DISC1: variants seen among roughly 807,000 people sequenced by gnomAD.
DISC1 encodes disrupted in schizophrenia 1 protein.
A neutral mutation model predicts 84.5 loss-of-function variants in DISC1; 57 were observed. That is an observed-to-expected ratio of 0.67 (90% CI 0.55 to 0.84). The LOEUF is 0.84. Ranked by LOEUF, DISC1 falls within the 40% of genes least tolerant of loss-of-function variation. DISC1 has a pLI of 0.00. For synonymous variants in DISC1, 411 were observed against 415.2 expected (o/e 0.99, Z 0.12); for missense variants, 1,000 against 1,057.8 (o/e 0.95, Z 0.76).
At chr1:231,879,225 A>C (rs191376148) in intron 9 of DISC1, among the ~76,000 whole-genome samples, 363 of 152,114 alleles carry the variant, frequency 2.4e-3, no homozygotes, top group African/African-American at 8.3e-3. Flanking sequence ...AAAAGTTTCA[A>C]ATTTTGGAAC....
intron 9 of DISC1, among the ~76,000 whole-genome samples, chr1:231,877,206 C>T (rs970151096): frequency 5.3e-5 from 8 of 152,220 alleles, no homozygotes; most frequent in African/African-American, 1.4e-4. Flanking sequence ...CACATGAGCC[C>T]ACCTTCTTAC....
intron 1 of DISC1, among the ~76,000 whole-genome samples, chr1:231,641,054 C>A (rs144144760): frequency 3.7e-4 from 56 of 152,356 alleles, no homozygotes; most frequent in African/African-American, 1.3e-3. Flanking sequence ...CAACTGCTTT[C>A]ACTGATAGGC....
chr1:231,793,783 G>T (rs2078532144), intron 6 of DISC1, among the ~76,000 whole-genome samples: 1 of 152,110 alleles, frequency 6.6e-6, no homozygotes, highest in Non-Finnish European at 1.5e-5. Context: ...ATTTAATACT[G>T]ACTAGAGCTT....
chr1:231,664,014 ATATC>A lies in DISC1; in HGVS notation c.68-29799_68-29796del, dbSNP rs112204766. ...AGCTTCAGTTTCATGTGCTAATGCC[ATATC>A]TATCTATCTATCCATCTATCTATCC... On this transcript the variant is annotated intron_variant, in intron 1 of 12. Coordinates refer to ENST00000439617, the MANE Select transcript of DISC1 (RefSeq NM_018662.3). Among the ~76,000 whole-genome samples the A allele has an allele frequency of 5.8e-3, 869 of 148,718 alleles. 6 individuals carry two copies. Among genetic ancestry groups the A allele is most frequent in the Admixed American group, 0.011 (158 of 14,860 alleles).
At chr1:231,787,844 C>A (rs967545141) in intron 6 of DISC1, among the ~76,000 whole-genome samples, 3 of 152,208 alleles carry the variant, frequency 2.0e-5, no homozygotes, top group Non-Finnish European at 4.4e-5. Context: ...CACTTCCAGA[C>A]TTCTAGCTCT....
intron 10 of DISC1, among the ~76,000 whole-genome samples, chr1:231,964,174 A>G (rs938396821): frequency 6.6e-6 from 1 of 152,234 alleles, no homozygotes; most frequent in African/African-American, 2.4e-5. Context: ...CTGTATTCTC[A>G]GTGATTTGCC....
At chr1:231,724,052 G>A in intron 3 of DISC1, 5 of 982,012 alleles carry the variant, frequency 5.1e-6, no homozygotes, top group Non-Finnish European at 6.0e-6. Context: ...TTCATTAAAA[G>A]TGAATGTTGG....
intron 10 of DISC1, among the ~76,000 whole-genome samples, chr1:232,001,826 C>T (rs1666729907): frequency 1.3e-5 from 2 of 152,062 alleles, no homozygotes; most frequent in Admixed American, 6.5e-5. Flanking sequence ...TAAGGCAAGG[C>T]AAAGATTTCC....
chr1:231,735,220 T>G (rs999417934), intron 3 of DISC1, among the ~76,000 whole-genome samples: 9 of 152,354 alleles, frequency 5.9e-5, no homozygotes, highest in African/African-American at 2.2e-4. Context: ...TTTACATATT[T>G]TGTATCCTGA....
At chr1:231,762,740 G>A (rs988888281) in intron 4 of DISC1, among the ~76,000 whole-genome samples, 7 of 152,028 alleles carry the variant, frequency 4.6e-5, no homozygotes, top group African/African-American at 1.2e-4. Context: ...GAGATCAACA[G>A]CAAGCTTCTT....
At chr1:231,969,349 A>C (rs113479254) in intron 10 of DISC1, among the ~76,000 whole-genome samples, 19 of 152,018 alleles carry the variant, frequency 1.2e-4, no homozygotes, top group African/African-American at 4.6e-4. Context: ...AGTGGCAGGG[A>C]TCCTAGAGCA....
At chr1:231,898,487 G>A (rs1236997260) in intron 9 of DISC1, among the ~76,000 whole-genome samples, 1 of 152,188 alleles carries the variant, frequency 6.6e-6, no homozygotes, top group Admixed American at 6.5e-5. Context: ...GAACTTGAAT[G>A]GGATGACAAG....
At position 231,851,767 on chromosome 1, in the gene DISC1, G is replaced by A. The variant is rs143038426; in HGVS notation, c.1981+33250G>A. Among the ~76,000 whole-genome samples, 430 of 152,324 alleles carry A rather than the reference G, an allele frequency of 2.8e-3. 2 individuals are homozygous for A. Among genetic ancestry groups the A allele is most frequent in the African/African-American group, 9.4e-3 (390 of 41,566 alleles). On this transcript the variant is annotated intron_variant, in intron 9 of 12. Transcript: ENST00000439617. ...TGTGGGCCAGTTGAGTGGGAATGCGGCACTCATGGGCCGGCGGAAGAATGA... is the reference window on the plus strand; with the variant it reads ...TGTGGGCCAGTTGAGTGGGAATGCGACACTCATGGGCCGGCGGAAGAATGA...
rs763792460 is a variant in DISC1 at position 231,694,210 on chromosome 1, A to G, written c.452A>G (p.Asp151Gly). The G allele has an allele frequency of 2.5e-6, 4 of 1,614,150 alleles. No individual in the cohort carries two copies. The South Asian group carries it at 4.4e-5, about 18-fold the overall frequency. Residue 151 changes from aspartate to glycine, a missense_variant, in exon 2 of 13, where the codon GAT (aspartate) becomes GGT (glycine). By Grantham distance (94) the Asp-to-Gly change is moderately conservative. Around this residue, in one of 3 missense-constraint regions of DISC1, gnomAD observed 292 missense variants for 280.2 expected, o/e 1.04. Transcript: ENST00000439617. ...TGGCAGCAAGAGTTTGCAGCCATGG[A>G]TAGTTCTGAGACCCTGGACGCCAGC... Reference protein sequence around the residue: ...AGWQQEFAAMDSSETLDASWE... With the variant: ...AGWQQEFAAMGSSETLDASWE...
chr1:231,953,818 A>G (rs1009013440), intron 9 of DISC1, among the ~76,000 whole-genome samples: 1 of 152,194 alleles, frequency 6.6e-6, no homozygotes, highest in East Asian at 1.9e-4. Context: ...TTCAAAGGTG[A>G]GATCGTATCG....
intron 9 of DISC1, 30 bp downstream of exon 9, chr1:231,818,547 G>T: frequency 3.1e-6 from 5 of 1,613,218 alleles, no homozygotes; most frequent in Non-Finnish European, 4.2e-6. Context: ...TCCCCGGCAA[G>T]ATATTGATGA....
chr1:231,946,967 A>T (rs1189364572), intron 9 of DISC1, among the ~76,000 whole-genome samples: 3 of 152,388 alleles, frequency 2.0e-5, no homozygotes, highest in African/African-American at 7.2e-5. Context: ...GGACCAAACA[A>T]ATGGAAAAAC....
intron 9 of DISC1, among the ~76,000 whole-genome samples, chr1:231,928,571 A>T (rs1190003455): frequency 6.6e-6 from 1 of 151,960 alleles, no homozygotes; most frequent in Non-Finnish European, 1.5e-5. Context: ...TTCTGCTCTG[A>T]TCTTATTTAC....
chr1:231,857,122 G>T (rs1285044633), intron 9 of DISC1, among the ~76,000 whole-genome samples: 1 of 152,152 alleles, frequency 6.6e-6, no homozygotes. Flanking sequence ...CCCTGGTTTG[G>T]GTTCAAGCCT....
Sources: gnomAD v4.1 joint callset for allele counts (sites outside exome capture counted in the v4.1 genomes callset) on GRCh38, gnomAD v4.1.1 for gene constraint, gnomAD v4.1.1 regional missense constraint, MANE v1.5 for transcripts, NCBI Gene and HGNC (gene_info 2026-07-23, HGNC 2026-07-21) for gene names.